The following HNF1A variants were observed in gnomAD, a reference collection of about 807,000 sequenced individuals.
The protein encoded by HNF1A is hepatocyte nuclear factor 1-alpha.
Under a neutral mutation model 62.2 loss-of-function variants are expected in HNF1A, and 21 were observed. The ratio of observed to expected loss-of-function variants is 0.34; its 90% CI spans 0.24 to 0.49. The LOEUF (loss-of-function observed/expected upper bound fraction) is 0.49. Among genes scored for constraint, HNF1A ranks in the 20% least tolerant of loss-of-function variants. The pLI, the probability that HNF1A is intolerant of heterozygous loss-of-function variation, is 0.99. For missense variants in HNF1A, 687 were observed against 832.3 expected (o/e 0.83, Z 2.15); for synonymous variants, 374 against 366.8 (o/e 1.02, Z -0.22).
chr12:120,984,944 AC>A (rs1876433460), intron 1 of HNF1A, among the ~76,000 whole-genome samples: 2 of 110,868 alleles, frequency 1.8e-5, no homozygotes, highest in South Asian at 5.5e-4. Flanking sequence ...GAGTTCTCAG[AC>A]TTTTTTTTTT....
At chr12:120,990,420 C>T (rs904065090) in intron 2 of HNF1A, among the ~76,000 whole-genome samples, 17 of 152,126 alleles carry the variant, frequency 1.1e-4, no homozygotes, top group Admixed American at 4.6e-4. Flanking sequence ...TGAGCCACCG[C>T]GCCTGGCCTT....
intron 1 of HNF1A, among the ~76,000 whole-genome samples, chr12:120,983,353 A>G (rs544728866): frequency 1.3e-5 from 2 of 152,094 alleles, no homozygotes; most frequent in South Asian, 2.1e-4. Flanking sequence ...AGCTCATTTA[A>G]TTTTCCCAGT....
chr12:120,983,130 G>A (rs1308637581), intron 1 of HNF1A, among the ~76,000 whole-genome samples: 1 of 152,224 alleles, frequency 6.6e-6, no homozygotes, highest in African/African-American at 2.4e-5. Flanking sequence ...GAGGGCAAGA[G>A]GCTCAAAGCC....
In HNF1A at chr12:120,978,711, G is replaced by T. The variant is rs1876074108; in HGVS notation, c.-58G>T. The T allele has an allele frequency of 6.5e-7, 1 of 1,539,944 alleles. No individual in the cohort carries two copies. The highest frequency in any genetic ancestry group is 1.7e-5 in the Admixed American group (1 of 59,862). On this transcript the variant is annotated 5_prime_UTR_variant, in exon 1 of 10. Transcript: ENST00000257555. Reference sequence around the variant, plus strand: ...CCGGCAGGCAAACGCAACCCACGCGGTGGGGGAGGCGGCTAGCGTGGTGGA... The same window carrying T: ...CCGGCAGGCAAACGCAACCCACGCGTTGGGGGAGGCGGCTAGCGTGGTGGA...
At chr12:120,988,699 C>T (rs1876659171) in intron 1 of HNF1A, 134 bp from the exon 2 acceptor site, 1 of 772,214 alleles carries the variant, frequency 1.3e-6, no homozygotes, top group Admixed American at 2.0e-5. Flanking sequence ...TGTGTAGGCC[C>T]CTGGGCTCCA....
intron 2 of HNF1A, among the ~76,000 whole-genome samples, chr12:120,990,617 T>G (rs538442049): frequency 4.7e-5 from 6 of 126,836 alleles, no homozygotes; most frequent in South Asian, 2.5e-4. Flanking sequence ...GGAGGAAAGA[T>G]AGGAAAGGGA....
chr12:120,985,891 A>G (rs1876484771), intron 1 of HNF1A, among the ~76,000 whole-genome samples: 1 of 151,718 alleles, frequency 6.6e-6, no homozygotes, highest in Non-Finnish European at 1.5e-5. Flanking sequence ...AGGCTGAGGC[A>G]GGAGAATCGC....
chr12:120,996,203 G>A lies in HNF1A; in HGVS notation c.956-59G>A. ...TGGAGTTTGAAGTGCTGAGGGCTGT[G>A]GAGGCAGGGGAGGGCAGGGAAGTGG... is the stretch of plus-strand genomic sequence containing the variant. On this transcript the variant is annotated intron_variant, in intron 4 of 9. Coordinates refer to ENST00000257555, the MANE Select transcript of HNF1A (RefSeq NM_000545.8). This position sits in a 1 kb window ranked among gnomAD's most constrained non-coding sequence, Gnocchi z 4.5. The A allele has an allele frequency of 1.2e-6, 2 of 1,600,210 alleles. No homozygotes were observed. Among genetic ancestry groups the A allele is most frequent in the Admixed American group, 3.3e-5 (2 of 59,926 alleles).
intron 1 of HNF1A, among the ~76,000 whole-genome samples, chr12:120,981,446 T>G (rs1429505083): frequency 6.6e-6 from 1 of 152,170 alleles, no homozygotes; most frequent in Non-Finnish European, 1.5e-5. Flanking sequence ...GGCCAAGGAA[T>G]AAAGTCCAAA....
At chr12:120,989,252 T>C (rs1876688582) in intron 2 of HNF1A, among the ~76,000 whole-genome samples, 1 of 152,038 alleles carries the variant, frequency 6.6e-6, no homozygotes, top group African/African-American at 2.4e-5. Flanking sequence ...ATGAAATGGG[T>C]CCCTGCTTTC....
At chr12:120,981,167 CG>C (rs1237447264) in intron 1 of HNF1A, among the ~76,000 whole-genome samples, 2 of 150,410 alleles carry the variant, frequency 1.3e-5, no homozygotes, top group East Asian at 1.9e-4. Flanking sequence ...GAGAGAGGGG[CG>C]GGGGACCCCT....
intron 1 of HNF1A, among the ~76,000 whole-genome samples, chr12:120,981,193 C>T (rs533130740): frequency 6.6e-6 from 1 of 152,208 alleles, no homozygotes; most frequent in Non-Finnish European, 1.5e-5. Context: ...AAGGCCTGGG[C>T]CATTGGGGAG....
chr12:120,997,483 C>A lies in HNF1A; in HGVS notation c.1319C>A (p.Ser440Tyr). 1 of 1,607,800 alleles carries A rather than the reference C, an allele frequency of 6.2e-7. No homozygotes were observed. The highest frequency in any genetic ancestry group is 8.5e-7 in the Non-Finnish European group (1 of 1,177,738). ...GASTLVIGLA[S>Y]TQAQSVPVIN... ...TCCCCTTCCACTCCAGGCCTGGCCT[C>A]CACGCAGGCACAGAGTGTGCCGGTC... The change falls in exon 7 of 10, where the codon TCC (serine) becomes TAC (tyrosine). Residue 440 changes from serine (S) to tyrosine (Y), a missense_variant. By Grantham distance (144) the Ser-to-Tyr change is moderately radical. Around this residue, in one of 5 missense-constraint regions of HNF1A, gnomAD observed 408 missense variants for 455.3 expected, o/e 0.90. Transcript: ENST00000257555.
chr12:120,994,185 G>A lies in HNF1A; in HGVS notation c.735G>A (p.Gly245=). The A allele has an allele frequency of 6.2e-7, 1 of 1,613,402 alleles. No individual in the cohort carries two copies. The highest frequency in any genetic ancestry group is 8.5e-7 in the Non-Finnish European group (1 of 1,179,774). Residue 245 remains glycine (G), a synonymous_variant, in exon 4 of 10, where the codon GGG becomes GGA. Coordinates refer to ENST00000257555, the MANE Select transcript of HNF1A (RefSeq NM_000545.8). ...ECNRAECIQR[G]VSPSQAQGLG... ...GCAGGGCGGAATGCATCCAGAGAGG[G>A]GTGTCCCCATCACAGGCACAGGGGC...
At position 120,994,108 on chromosome 12, in the gene HNF1A, C is replaced by G. The variant is rs548447365; in HGVS notation, c.714-56C>G. 1.0e-5 allele frequency: 16 copies of G among 1,592,982 alleles called. No individual in the cohort carries two copies. The East Asian group carries it at 2.0e-4, about 20-fold the overall frequency. On this transcript the variant is annotated intron_variant, in intron 3 of 9. Coordinates refer to ENST00000257555, the MANE Select transcript of HNF1A (RefSeq NM_000545.8). ...TTCTCAGAACCCTCCCCTTCATGCC[C>G]AGGACAGGGTTCCTCTGAGCCTGGC...
chr12:120,994,335 G>A lies in HNF1A; in HGVS notation c.885G>A (p.Pro295=), dbSNP rs771320133. 38 of 1,606,258 alleles carry A rather than the reference G, an allele frequency of 2.4e-5. No individual in the cohort carries two copies. Among genetic ancestry groups the A allele is most frequent in the Admixed American group, 3.4e-5 (2 of 58,476 alleles). Residue 295 remains proline, a synonymous_variant, in exon 4 of 10, where the codon CCG becomes CCA. Coordinates refer to ENST00000257555, the MANE Select transcript of HNF1A (RefSeq NM_000545.8). ...TYSGPPPGPG[P]GPALPAHSSP... ...GCGGGCCCCCCCCAGGGCCAGGCCCGGGACCTGCGCTGCCCGCTCACAGCT... is the reference window on the plus strand; with the variant it reads ...GCGGGCCCCCCCCAGGGCCAGGCCCAGGACCTGCGCTGCCCGCTCACAGCT...
chr12:121,001,020 TGTGGGTGCCTG>T (rs780392217), intron 9 of HNF1A, 34 bp from the exon 10 acceptor site: 2 of 1,608,724 alleles, frequency 1.2e-6, no homozygotes, highest in African/African-American at 2.7e-5. Context: ...GTGGGGTGGG[TGTGGGTGCCTG>T]GTGGGTGGCT....
chr12:121,002,043 A>G lies in HNF1A; in HGVS notation c.*851A>G. The G allele has an allele frequency of 1.9e-6, 1 of 536,864 alleles. No individual in the cohort carries two copies. The allele number at this position is 536,864 out of a possible 1,614,324, so 33.3% of individuals were successfully genotyped here. On this transcript the variant is annotated 3_prime_UTR_variant, in exon 10 of 10. Coordinates refer to ENST00000257555, the MANE Select transcript of HNF1A (RefSeq NM_000545.8). ...TGCCAAGTCCAGGTCCTGGTGGGGC[A>G]GCTCCTCTGTCTCGAGCGCCCTGCA...
Position 120,978,683 on chromosome 12 carries a change from C to T in HNF1A, c.-86C>T, listed in dbSNP as rs1173962243. The T allele has an allele frequency of 4.6e-6, 6 of 1,309,912 alleles. No individual in the cohort carries two copies. The Admixed American group carries it at 6.7e-5, about 15-fold the overall frequency. The allele number at this position is 1,309,912 out of a possible 1,614,324, so 81.1% of individuals were successfully genotyped here. A position where few individuals can be genotyped will look rare whatever the true frequency, so the allele number is the denominator to read the frequency against. ...TGCAAGGAGTTTGGTTTGTGTCTGC[C>T]GGCCGGCAGGCAAACGCAACCCACG... On this transcript the variant is annotated 5_prime_UTR_variant, in exon 1 of 10. Coordinates refer to ENST00000257555, the MANE Select transcript of HNF1A (RefSeq NM_000545.8).
Sources: allele counts gnomAD v4.1 joint callset (sites outside exome capture counted in the v4.1 genomes callset), GRCh38; gene constraint gnomAD v4.1.1; regional missense constraint gnomAD v4.1.1; non-coding constraint Gnocchi (gnomAD v3.1); transcripts MANE v1.5; gene names NCBI Gene and HGNC (gene_info 2026-07-23, HGNC 2026-07-21).